The following P3H2 variants were observed in gnomAD, a reference collection of about 807,000 sequenced individuals.
P3H2 encodes the protein prolyl 3-hydroxylase 2, also known as leprecan-like 1.
P3H2 carries 80 observed loss-of-function variants against 87.0 expected under a neutral mutation model. The ratio of observed to expected loss-of-function variants is 0.92; its 90% CI spans 0.77 to 1.11. The LOEUF is 1.11. Among genes scored for constraint, P3H2 ranks in the 50% least tolerant of loss-of-function variants. The probability of loss-of-function intolerance (pLI) is 0.00; values close to 1 mark genes in which losing one functional copy is unlikely to be tolerated. For synonymous variants in P3H2, 367 were observed against 359.3 expected (o/e 1.02, Z -0.24); for missense variants, 1,001 against 923.9 (o/e 1.08, Z -1.08).
At chr3:189,973,505 T>C (rs1200152250) in intron 10 of P3H2, among the ~76,000 whole-genome samples, 1 of 63,516 alleles carries the variant, frequency 1.6e-5, no homozygotes, top group Non-Finnish European at 3.5e-5. Flanking sequence ...CTTTCTTTCT[T>C]TCTTTCTTTT....
rs710545 is a variant in P3H2 at position 189,973,072 on chromosome 3, T to A, written c.1549-48A>T. On this transcript the variant is annotated intron_variant, in intron 10 of 14. Coordinates refer to ENST00000319332, the MANE Select transcript of P3H2 (RefSeq NM_018192.4). ...GAGAAACAAATGGGTTCATTGGAGG[T>A]CGTAAGAAAAACAGGCACTAGCTTG... The A allele has an allele frequency of 0.9, 1,424,592 of 1,574,996 alleles. 644,872 individuals carry two copies. Among genetic ancestry groups the A allele is most frequent in the East Asian group, 0.93 (41,122 of 44,094 alleles).
intron 1 of P3H2, among the ~76,000 whole-genome samples, chr3:190,041,033 TATATACACACAC>T (rs1455839729): frequency 2.1e-4 from 8 of 37,806 alleles, no homozygotes; most frequent in African/African-American, 1.3e-3. Context: ...TATATATATA[TATATACACACAC>T]ACACACACAC....
chr3:189,985,681 T>G (rs1577254934), intron 6 of P3H2, among the ~76,000 whole-genome samples: 2 of 151,238 alleles, frequency 1.3e-5, no homozygotes, highest in East Asian at 1.9e-4. Context: ...TCAAGAAGTT[T>G]AAAACCTTAT....
intron 1 of P3H2, among the ~76,000 whole-genome samples, chr3:190,044,394 A>G (rs966952787): frequency 1.2e-4 from 19 of 152,216 alleles, no homozygotes; most frequent in African/African-American, 4.6e-4. Flanking sequence ...TAGCCAAGGC[A>G]CATTCTCTGG....
At chr3:190,008,168 T>A (rs1724454949) in intron 1 of P3H2, among the ~76,000 whole-genome samples, 1 of 151,918 alleles carries the variant, frequency 6.6e-6, no homozygotes, top group South Asian at 2.1e-4. Flanking sequence ...TCACGTGGGT[T>A]CTGACAGAAG....
chr3:189,957,267 A>AGAGTCGGAGCTCATGGCCGTTAGCACC lies in P3H2; in HGVS notation c.*618_*644dup. The AGAGTCGGAGCTCATGGCCGTTAGCACC allele has an allele frequency of 2.5e-6, 1 of 399,266 alleles. No individual in the cohort carries two copies. Among genetic ancestry groups the AGAGTCGGAGCTCATGGCCGTTAGCACC allele is most frequent in the Non-Finnish European group, 4.4e-6 (1 of 226,758 alleles). 24.7% of individuals were successfully genotyped at this position (399,266 alleles called of 1,614,324 possible). The stretch of plus-strand genomic sequence containing the variant: ...AGACCCAAAGTGGAGCTCACTTTGG[A>AGAGTCGGAGCTCATGGCCGTTAGCACC]GAGTCGGAGCTCATGGCCGTTAGCA... On this transcript the variant is annotated 3_prime_UTR_variant, in exon 15 of 15. Transcript: ENST00000319332.
intron 1 of P3H2, among the ~76,000 whole-genome samples, chr3:190,077,654 T>C (rs543144897): frequency 2.6e-5 from 4 of 152,306 alleles, no homozygotes; most frequent in African/African-American, 9.6e-5. Context: ...CAAAGTGTCA[T>C]TGTGAGACTC....
At position 189,956,912 on chromosome 3, in the gene P3H2, T is replaced by C. The variant is rs1003882879; in HGVS notation, c.*1000A>G. The C allele has an allele frequency of 5.1e-6, 2 of 392,966 alleles. No homozygotes were observed. Among genetic ancestry groups the C allele is most frequent in the East Asian group, 3.6e-5 (1 of 27,716 alleles). 24.3% of individuals were successfully genotyped at this position (392,966 alleles called of 1,614,324 possible). On this transcript the variant is annotated 3_prime_UTR_variant, in exon 15 of 15. Transcript: ENST00000319332. Reference sequence around the variant, plus strand: ...CAGTGGACCCCACTCCTAGGCAACCTGGCCATGGTGCCCGGATGCAGGCAG... The same window carrying C: ...CAGTGGACCCCACTCCTAGGCAACCCGGCCATGGTGCCCGGATGCAGGCAG...
At chr3:189,992,381 C>T (rs1485938731) in intron 3 of P3H2, among the ~76,000 whole-genome samples, 2 of 152,150 alleles carry the variant, frequency 1.3e-5, no homozygotes, top group Non-Finnish European at 2.9e-5. Context: ...CAGGCATGAG[C>T]CACCGCGCCC....
chr3:190,030,465 G>A (rs553052636), intron 1 of P3H2, among the ~76,000 whole-genome samples: 1 of 152,258 alleles, frequency 6.6e-6, no homozygotes, highest in South Asian at 2.1e-4. Flanking sequence ...TGAGGTGGGA[G>A]AATCACCTGA....
Position 189,957,624 on chromosome 3 carries a change from C to G in P3H2, c.*288G>C. 2.2e-6 allele frequency: 1 copy of G among 462,224 alleles called. No individual in the cohort carries two copies. The highest frequency in any genetic ancestry group is 3.9e-6 in the Non-Finnish European group (1 of 258,536). The allele number at this position is 462,224 out of a possible 1,614,324, so 28.6% of individuals were successfully genotyped here. On this transcript the variant is annotated 3_prime_UTR_variant, in exon 15 of 15. Transcript: ENST00000319332. ...CGCCTGAGCCTAAGAGTTTGAGGCT[C>G]CAGTGTGCTATCATCACATCTGTGA... is the stretch of plus-strand genomic sequence containing the variant.
Position 190,005,900 on chromosome 3 carries a change from T to C in P3H2, c.481-10458A>G, listed in dbSNP as rs192623015. ...AGGCCACATGCTCTTACTAAAGAGA[T>C]GGTTTTCATGATAGAGTTCTTTCAT... On this transcript the variant is annotated intron_variant, in intron 1 of 14. Coordinates refer to ENST00000319332, the MANE Select transcript of P3H2 (RefSeq NM_018192.4). 1.7e-4 allele frequency among the ~76,000 whole-genome samples: 26 copies of C among 152,332 alleles called. No individual in the cohort carries two copies. In the East Asian group the frequency reaches 4.8e-3, roughly 28 times the overall value.
In P3H2 at chr3:189,957,343, G is replaced by A. The variant is rs1257941031; in HGVS notation, c.*569C>T. 1 of 401,422 alleles carries A rather than the reference G, an allele frequency of 2.5e-6. No individual in the cohort carries two copies. Among genetic ancestry groups the A allele is most frequent in the Non-Finnish European group, 4.4e-6 (1 of 228,734 alleles). The allele number at this position is 401,422 out of a possible 1,614,324, so 24.9% of individuals were successfully genotyped here. The stretch of plus-strand genomic sequence containing the variant: ...GAGCAAGAAAGGGCTTCAGAGACCA[G>A]GCACAGGTTAATTTTAGAACTGGAG... On this transcript the variant is annotated 3_prime_UTR_variant, in exon 15 of 15. Coordinates refer to ENST00000319332, the MANE Select transcript of P3H2 (RefSeq NM_018192.4).
chr3:190,025,143 C>G (rs1020921434), intron 1 of P3H2, among the ~76,000 whole-genome samples: 1 of 151,972 alleles, frequency 6.6e-6, no homozygotes, highest in Non-Finnish European at 1.5e-5. Context: ...GAATCATTTC[C>G]TCATCTGAAT....
At chr3:189,984,503 A>C (rs376667191) in intron 7 of P3H2, 47 bp downstream of exon 7, 20 of 1,367,188 alleles carry the variant, frequency 1.5e-5, no homozygotes, top group South Asian at 1.4e-4. Flanking sequence ...TATGACACTA[A>C]GTATTTCTCC....
In P3H2 at chr3:189,976,518, G is replaced by C. The variant is rs145863436; in HGVS notation, c.1325-1833C>G. Among the ~76,000 whole-genome samples the C allele has an allele frequency of 1.3e-4, 20 of 152,284 alleles. No individual in the cohort carries two copies. The East Asian group carries it at 3.7e-3, about 28-fold the overall frequency. ...CCCCATGATTCAACTATCTCCACCT[G>C]GCCCTGCCCTTGACATATGGGGATT... On this transcript the variant is annotated intron_variant, in intron 8 of 14. Coordinates refer to ENST00000319332, the MANE Select transcript of P3H2 (RefSeq NM_018192.4).
At position 189,964,003 on chromosome 3, in the gene P3H2, A is replaced by C; in HGVS notation, c.1989T>G (p.Cys663Trp). The part of the protein sequence containing the change: ...GVKAVTKGKR[C>W]AVALWFTLDP... ...CCAAGGTGAACCACAGAGCCACAGC[A>C]CACCTCTTTCCCTTGGTGACTGCCT... The change falls in exon 14 of 15, where the codon TGT (cysteine) becomes TGG (tryptophan). Residue 663 changes from cysteine to tryptophan, a missense_variant. Coordinates refer to ENST00000319332, the MANE Select transcript of P3H2 (RefSeq NM_018192.4). 5 of 1,614,134 alleles carry C rather than the reference A, an allele frequency of 3.1e-6. No homozygotes were observed. The highest frequency in any genetic ancestry group is 4.2e-6 in the Non-Finnish European group (5 of 1,180,000).
In P3H2 at chr3:190,063,061, G is replaced by A. The variant is rs73890188; in HGVS notation, c.480+57191C>T. On this transcript the variant is annotated intron_variant, in intron 1 of 14. Coordinates refer to ENST00000319332, the MANE Select transcript of P3H2 (RefSeq NM_018192.4). ...ATAAAGCTATTCTTCTATTAAGCCA[G>A]TGTATTTGGGCCCAAACCACATTCC... 5.6e-3 allele frequency among the ~76,000 whole-genome samples: 857 copies of A among 152,238 alleles called. 8 individuals carry two copies. Among genetic ancestry groups the A allele is most frequent in the African/African-American group, 0.02 (816 of 41,532 alleles).
chr3:190,028,947 G>C (rs539585386), intron 1 of P3H2, among the ~76,000 whole-genome samples: 1 of 152,316 alleles, frequency 6.6e-6, no homozygotes, highest in African/African-American at 2.4e-5. Flanking sequence ...TCTAGGGAGA[G>C]GAGTGTGGGG....
Sources: gnomAD v4.1 joint callset for allele counts (sites outside exome capture counted in the v4.1 genomes callset) on GRCh38, gnomAD v4.1.1 for gene constraint, MANE v1.5 for transcripts, NCBI Gene and HGNC (gene_info 2026-07-23, HGNC 2026-07-21) for gene names.